The following FOXN2 variants were observed in gnomAD, a reference collection of about 807,000 sequenced individuals.
FOXN2 encodes forkhead box N2.
FOXN2 carries 19 observed loss-of-function variants against 41.2 expected under a neutral mutation model. The ratio of observed to expected loss-of-function variants is 0.46; its 90% CI spans 0.32 to 0.68. FOXN2 has a LOEUF of 0.68. Among genes scored for constraint, FOXN2 ranks in the 30% least tolerant of loss-of-function variants. The pLI is 0.03. For missense variants in FOXN2, 587 were observed against 509.4 expected, an observed-to-expected ratio of 1.15 and a Z score of -1.47; for synonymous variants, 195 against 176.8, an observed-to-expected ratio of 1.10 and a Z score of -0.82.
In FOXN2 at chr2:48,377,234, C is replaced by G. The variant is rs781305571; in HGVS notation, c.*1791C>G. On this transcript the variant is annotated 3_prime_UTR_variant, in exon 7 of 7. Coordinates refer to ENST00000340553, the MANE Select transcript of FOXN2 (RefSeq NM_002158.4). ...AGGTATTTGGGTTTTTTTTTTAGAT[C>G]GATCACATCTACAGAAAATGGCTAA... is the stretch of plus-strand genomic sequence containing the variant. The G allele has an allele frequency of 7.3e-5, 11 of 150,666 alleles. No individual in the cohort carries two copies. Among genetic ancestry groups the G allele is most frequent in the Admixed American group, 2.0e-4 (3 of 15,138 alleles). The allele number at this position is 150,666 out of a possible 1,614,324, so 9.3% of individuals were successfully genotyped here. A position where few individuals can be genotyped will look rare whatever the true frequency, so the allele number is the denominator to read the frequency against.
chr2:48,318,256 C>T (rs904973734), intron 1 of FOXN2, among the ~76,000 whole-genome samples: 2 of 152,090 alleles, frequency 1.3e-5, no homozygotes, highest in Non-Finnish European at 2.9e-5. Context: ...CTAATTTTTC[C>T]CTAATGTCTT....
intron 5 of FOXN2, among the ~76,000 whole-genome samples, chr2:48,372,640 T>A (rs1490138213): frequency 2.0e-5 from 3 of 152,164 alleles, no homozygotes; most frequent in Non-Finnish European, 4.4e-5. Context: ...TTGTAGAACC[T>A]GCTGATTTTG....
intron 3 of FOXN2, 23 bp from the exon 4 acceptor site, chr2:48,359,024 T>C (rs763732309): frequency 6.4e-7 from 1 of 1,563,088 alleles, no homozygotes; most frequent in South Asian, 1.1e-5. Context: ...AGTTCCTAGT[T>C]ATTCTTGTGC....
intron 1 of FOXN2, among the ~76,000 whole-genome samples, chr2:48,322,182 A>G (rs1484170508): frequency 6.6e-6 from 1 of 152,162 alleles, no homozygotes; most frequent in Non-Finnish European, 1.5e-5. Context: ...TCCTGACCTC[A>G]GGTGATCTGC....
intron 5 of FOXN2, among the ~76,000 whole-genome samples, chr2:48,370,509 C>T (rs935962574): frequency 7.2e-5 from 11 of 152,154 alleles, no homozygotes; most frequent in Non-Finnish European, 1.5e-4. Flanking sequence ...TCTCTGACCT[C>T]TATATTTAAA....
intron 3 of FOXN2, among the ~76,000 whole-genome samples, chr2:48,352,652 A>G (rs1273088754): frequency 6.6e-6 from 1 of 152,168 alleles, no homozygotes; most frequent in African/African-American, 2.4e-5. Flanking sequence ...ATTGGACTTT[A>G]TTCCTCTCTC....
intron 2 of FOXN2, among the ~76,000 whole-genome samples, chr2:48,332,945 G>A (rs1670105883): frequency 6.6e-6 from 1 of 152,154 alleles, no homozygotes; most frequent in African/African-American, 2.4e-5. Context: ...TTGGTTCACT[G>A]TCTCCAGATG....
At chr2:48,318,242 T>C (rs1669065005) in intron 1 of FOXN2, among the ~76,000 whole-genome samples, 2 of 152,212 alleles carry the variant, frequency 1.3e-5, no homozygotes, top group South Asian at 4.1e-4. Context: ...TTATTCCTAT[T>C]TCGCTAATTT....
At chr2:48,328,902 A>G (rs979053240) in intron 2 of FOXN2, among the ~76,000 whole-genome samples, 200 bp downstream of exon 2, 3 of 152,154 alleles carry the variant, frequency 2.0e-5, no homozygotes, top group Admixed American at 6.5e-5. Flanking sequence ...CATGTAGGGT[A>G]TGTAAGTGTT....
chr2:48,341,687 C>T (rs548300067), intron 2 of FOXN2, among the ~76,000 whole-genome samples: 9 of 152,224 alleles, frequency 5.9e-5, no homozygotes, highest in African/African-American at 2.2e-4. Context: ...CCAAGCTGTG[C>T]CAAGAGGAAG....
chr2:48,365,209 T>C (rs1672456463), intron 5 of FOXN2, among the ~76,000 whole-genome samples: 1 of 152,138 alleles, frequency 6.6e-6, no homozygotes, highest in Non-Finnish European at 1.5e-5. Flanking sequence ...CTGATATCTT[T>C]AAAAATAAAG....
chr2:48,372,680 G>A (rs1384481950), intron 5 of FOXN2, among the ~76,000 whole-genome samples: 1 of 152,056 alleles, frequency 6.6e-6, no homozygotes, highest in East Asian at 1.9e-4. Flanking sequence ...TTTTAATGGA[G>A]TATCCATTTG....
Position 48,375,659 on chromosome 2 carries a change from A to G in FOXN2, c.*216A>G, listed in dbSNP as rs1266043800. On this transcript the variant is annotated 3_prime_UTR_variant, in exon 7 of 7. Transcript: ENST00000340553. ...CATGATGTGAAGTCCTAAAAGCATA[A>G]TTTTTGTGATAAATGTGTCCAAGAT... 1 of 426,222 alleles carries G rather than the reference A, an allele frequency of 2.3e-6. No individual in the cohort carries two copies. The highest frequency in any genetic ancestry group is 4.2e-6 in the Non-Finnish European group (1 of 240,920). 26.4% of individuals were successfully genotyped at this position (426,222 alleles called of 1,614,324 possible).
chr2:48,369,242 A>C (rs1028846044), intron 5 of FOXN2, among the ~76,000 whole-genome samples: 2 of 152,196 alleles, frequency 1.3e-5, no homozygotes, highest in African/African-American at 4.8e-5. Context: ...ATGTTTGTTA[A>C]AAGAAGTGAA....
chr2:48,379,140 G>A lies in FOXN2; in HGVS notation c.*3697G>A, dbSNP rs1673425807. 1 of 152,576 alleles carries A rather than the reference G, an allele frequency of 6.6e-6. No individual in the cohort carries two copies. The highest frequency in any genetic ancestry group is 6.5e-5 in the Admixed American group (1 of 15,272). 9.5% of individuals were successfully genotyped at this position (152,576 alleles called of 1,614,324 possible). On this transcript the variant is annotated 3_prime_UTR_variant, in exon 7 of 7. Coordinates refer to ENST00000340553, the MANE Select transcript of FOXN2 (RefSeq NM_002158.4). The stretch of plus-strand genomic sequence containing the variant: ...CCAGTCACAAGTGAACCACTTCTCA[G>A]TTGCCAATCTTTGCTCATATTAAAA...
chr2:48,326,214 G>T (rs1454422775), intron 1 of FOXN2, among the ~76,000 whole-genome samples: 1 of 152,170 alleles, frequency 6.6e-6, no homozygotes, highest in Non-Finnish European at 1.5e-5. Context: ...GGGTTAGGTG[G>T]AATGAAGAGT....
At chr2:48,338,839 C>T (rs1346582973) in intron 2 of FOXN2, among the ~76,000 whole-genome samples, 1 of 151,794 alleles carries the variant, frequency 6.6e-6, no homozygotes, top group African/African-American at 2.4e-5. Flanking sequence ...AACTGTAGAC[C>T]ATAAAGAAAA....
At chr2:48,374,710 T>G (rs544263362) in intron 6 of FOXN2, among the ~76,000 whole-genome samples, 1 of 152,294 alleles carries the variant, frequency 6.6e-6, no homozygotes, top group South Asian at 2.1e-4. Context: ...ACATATGCTA[T>G]AGAAAAGTCA....
intron 3 of FOXN2, among the ~76,000 whole-genome samples, chr2:48,358,822 T>C (rs1016062413): frequency 3.9e-5 from 6 of 152,206 alleles, no homozygotes; most frequent in Non-Finnish European, 5.9e-5. Context: ...CAGAAGCTAA[T>C]AACATTTGAA....
Sources: gnomAD v4.1 joint callset for allele counts (sites outside exome capture counted in the v4.1 genomes callset) on GRCh38, gnomAD v4.1.1 for gene constraint, MANE v1.5 for transcripts, NCBI Gene and HGNC (gene_info 2026-07-23, HGNC 2026-07-21) for gene names.